ZNF148: variants seen among roughly 807,000 people sequenced by gnomAD.
The protein encoded by ZNF148 is zinc finger protein 148, also known as Beta-Enolase Repressor Factor-1.
Under a neutral mutation model 67.7 loss-of-function variants are expected in ZNF148, and 7 were observed. The observed-to-expected ratio is 0.10, with a 90% CI of 0.06 to 0.19. The LOEUF is 0.19. Among genes scored for constraint, ZNF148 ranks in the 10% least tolerant of loss-of-function variants. ZNF148 has a pLI of 1.00. For missense variants in ZNF148, 583 were observed against 947.1 expected, an observed-to-expected ratio of 0.62 and a Z score of 5.05; for synonymous variants, 333 against 330.7, an observed-to-expected ratio of 1.01 and a Z score of -0.08.
chr3:125,261,476 A>C (rs144542010), intron 7 of ZNF148, among the ~76,000 whole-genome samples: 254 of 152,322 alleles, frequency 1.7e-3, no homozygotes, highest in Non-Finnish European at 2.9e-3. Context: ...AAGGGTATGA[A>C]TGTAAGCAAG....
intron 7 of ZNF148, among the ~76,000 whole-genome samples, chr3:125,244,376 C>T (rs2107533770): frequency 6.6e-6 from 1 of 152,334 alleles, no homozygotes; most frequent in East Asian, 1.9e-4. Flanking sequence ...TTGGCAACTG[C>T]AAACCTTCCT....
chr3:125,258,700 GC>G (rs1249711642), intron 7 of ZNF148, among the ~76,000 whole-genome samples: 3 of 152,046 alleles, frequency 2.0e-5, no homozygotes, highest in African/African-American at 7.2e-5. Flanking sequence ...ATCTTTTAGT[GC>G]TTCAGTTTGG....
At chr3:125,342,313 C>T (rs945382716) in intron 1 of ZNF148, among the ~76,000 whole-genome samples, 4 of 150,928 alleles carry the variant, frequency 2.7e-5, no homozygotes, top group African/African-American at 7.3e-5. Flanking sequence ...TTCACTCTAA[C>T]ATCATAATTA....
intron 1 of ZNF148, among the ~76,000 whole-genome samples, chr3:125,372,521 T>C (rs1942923533): frequency 6.6e-6 from 1 of 152,208 alleles, no homozygotes; most frequent in Non-Finnish European, 1.5e-5. Context: ...AATAATATTA[T>C]ATGCCCATTA....
In ZNF148 at chr3:125,228,131, C is replaced by CA. The variant is rs1560095933; in HGVS notation, c.*4209dup. On this transcript the variant is annotated 3_prime_UTR_variant, in exon 9 of 9. Transcript: ENST00000360647. Reference sequence around the variant, plus strand: ...TTTCACAATGGAGCTGAAGTCACCTCAAAACTTACGGGCTTGAATCTAAAA... The same window carrying CA: ...TTTCACAATGGAGCTGAAGTCACCTCAAAAACTTACGGGCTTGAATCTAAAA... The CA allele has an allele frequency of 6.6e-6, 1 of 152,532 alleles. No homozygotes were observed. Among genetic ancestry groups the CA allele is most frequent in the African/African-American group, 2.4e-5 (1 of 41,418 alleles). 9.4% of individuals were successfully genotyped at this position (152,532 alleles called of 1,614,324 possible). A position where few individuals can be genotyped will look rare whatever the true frequency, so the allele number is the denominator to read the frequency against.
At chr3:125,241,989 A>G (rs549506673) in intron 7 of ZNF148, among the ~76,000 whole-genome samples, 6 of 152,304 alleles carry the variant, frequency 3.9e-5, no homozygotes, top group African/African-American at 1.4e-4. Flanking sequence ...GAGCCATCTT[A>G]TATTTCATCT....
chr3:125,254,424 A>G (rs972879851), intron 7 of ZNF148, among the ~76,000 whole-genome samples: 2 of 152,208 alleles, frequency 1.3e-5, no homozygotes, highest in African/African-American at 4.8e-5. Context: ...AGATTATTCT[A>G]TCTCACAGAT....
chr3:125,226,988 C>T lies in ZNF148; in HGVS notation c.*5353G>A, dbSNP rs1935666172. 1.3e-5 allele frequency: 2 copies of T among 152,010 alleles called. No individual in the cohort carries two copies. The highest frequency in any genetic ancestry group is 4.8e-5 in the African/African-American group (2 of 41,384). The allele number at this position is 152,010 out of a possible 1,614,324, so 9.4% of individuals were successfully genotyped here. On this transcript the variant is annotated 3_prime_UTR_variant, in exon 9 of 9. Transcript: ENST00000360647. ...TTTGGGGGAGAGGGGAAGGAAAGAC[C>T]CATTTTGTATCTGATCCCGAGTTTG...
Position 125,323,439 on chromosome 3 carries a change from C to A in ZNF148, c.-147G>T. On this transcript the variant is annotated 5_prime_UTR_variant, in exon 3 of 9. Transcript: ENST00000360647. ...TACCACCTTAATCACTTATGCCATC[C>A]GATTCCTACAATAAAACACACACAC... 1.5e-6 allele frequency: 1 copy of A among 679,592 alleles called. No homozygotes were observed. The highest frequency in any genetic ancestry group is 2.6e-6 in the Non-Finnish European group (1 of 378,114). 42.1% of individuals were successfully genotyped at this position (679,592 alleles called of 1,614,324 possible).
intron 1 of ZNF148, chr3:125,344,231 A>G (rs1263142474): frequency 2.8e-6 from 1 of 351,270 alleles, no homozygotes; most frequent in South Asian, 2.9e-5. Flanking sequence ...GTAGAACCTG[A>G]TATCAATTTG....
chr3:125,235,659 A>C (rs1000998575), intron 7 of ZNF148, among the ~76,000 whole-genome samples: 10 of 152,080 alleles, frequency 6.6e-5, no homozygotes, highest in African/African-American at 1.9e-4. Context: ...TGAGTTGTTT[A>C]CTGCTGCACT....
chr3:125,268,410 A>C (rs990375599), intron 7 of ZNF148, among the ~76,000 whole-genome samples: 1 of 152,070 alleles, frequency 6.6e-6, no homozygotes, highest in Non-Finnish European at 1.5e-5. Flanking sequence ...AAAGCTGCAC[A>C]CCTACAACCA....
intron 4 of ZNF148, among the ~76,000 whole-genome samples, chr3:125,288,728 C>T (rs982408228): frequency 2.6e-5 from 4 of 152,066 alleles, no homozygotes; most frequent in African/African-American, 4.8e-5. Context: ...GACAAATTAA[C>T]AATGAAAATC....
Position 125,355,240 on chromosome 3 carries a change from C to A in ZNF148, c.-234+19862G>T, listed in dbSNP as rs1275883595. 2.0e-5 allele frequency among the ~76,000 whole-genome samples: 3 copies of A among 152,140 alleles called. No homozygotes were observed. The South Asian group carries it at 6.2e-4, about 32-fold the overall frequency. On this transcript the variant is annotated intron_variant, in intron 1 of 8. Coordinates refer to ENST00000360647, the MANE Select transcript of ZNF148 (RefSeq NM_021964.3). Reference sequence around the variant, plus strand: ...TGATATAGAGATATCAATTAGATTACAAATAACTTTCATAGGTTTAAATCA... The same window carrying A: ...TGATATAGAGATATCAATTAGATTAAAAATAACTTTCATAGGTTTAAATCA...
chr3:125,246,563 A>AT (rs1480228778), intron 7 of ZNF148, among the ~76,000 whole-genome samples: 1 of 152,192 alleles, frequency 6.6e-6, no homozygotes, highest in African/African-American at 2.4e-5. Flanking sequence ...GAGATAATTA[A>AT]TGTGAAGTAG....
chr3:125,245,799 A>C (rs1159805571), intron 7 of ZNF148, among the ~76,000 whole-genome samples: 1 of 152,162 alleles, frequency 6.6e-6, no homozygotes, highest in Non-Finnish European at 1.5e-5. Flanking sequence ...TCTGGGATCT[A>C]TTATCTTCTT....
At chr3:125,329,308 TAC>T (rs1227556401) in intron 2 of ZNF148, among the ~76,000 whole-genome samples, 6 of 146,994 alleles carry the variant, frequency 4.1e-5, no homozygotes, top group Non-Finnish European at 1.5e-5. Flanking sequence ...ATATTCATAC[TAC>T]AGATATATAT....
intron 5 of ZNF148, among the ~76,000 whole-genome samples, chr3:125,282,295 T>C (rs1007016254): frequency 6.6e-6 from 1 of 152,170 alleles, no homozygotes; most frequent in Non-Finnish European, 1.5e-5. Context: ...GCTGAGTGTG[T>C]TTGCCTTAGA....
intron 7 of ZNF148, among the ~76,000 whole-genome samples, chr3:125,274,565 T>G (rs1373990264): frequency 2.0e-5 from 3 of 152,228 alleles, no homozygotes; most frequent in Non-Finnish European, 4.4e-5. Context: ...TAGAGCACAT[T>G]AAAAATTTTT....
Sources: gnomAD v4.1 joint callset for allele counts (sites outside exome capture counted in the v4.1 genomes callset) on GRCh38, gnomAD v4.1.1 for gene constraint, MANE v1.5 for transcripts, NCBI Gene and HGNC (gene_info 2026-07-23, HGNC 2026-07-21) for gene names.